The following CAMLG variants were observed in gnomAD, a reference collection of about 807,000 sequenced individuals.
The protein encoded by CAMLG is calcium modulating ligand.
Under a neutral mutation model 28.9 loss-of-function variants are expected in CAMLG, and 23 were observed. The observed-to-expected ratio is 0.80, with a 90% CI of 0.57 to 1.13. The LOEUF (loss-of-function observed/expected upper bound fraction) is 1.13. Ranked by LOEUF, CAMLG falls within the 50% of genes most tolerant of loss-of-function variation. The pLI is 0.00. For synonymous variants in CAMLG, 141 were observed against 146.5 expected (o/e 0.96, Z 0.27); for missense variants, 367 against 371.9 (o/e 0.99, Z 0.11).
intron 3 of CAMLG, among the ~76,000 whole-genome samples, chr5:134,749,566 A>G (rs1323461587): frequency 6.6e-6 from 1 of 152,186 alleles, no homozygotes; most frequent in Non-Finnish European, 1.5e-5. Flanking sequence ...ATTCCTTTGC[A>G]TAACAATTAG....
At chr5:134,747,121 C>A (rs1447003055) in intron 3 of CAMLG, among the ~76,000 whole-genome samples, 1 of 151,992 alleles carries the variant, frequency 6.6e-6, no homozygotes, top group African/African-American at 2.4e-5. Flanking sequence ...AAGAATTGTG[C>A]CGTGAACACC....
At chr5:134,739,608 T>C (rs1752959790) in intron 1 of CAMLG, among the ~76,000 whole-genome samples, 1 of 152,208 alleles carries the variant, frequency 6.6e-6, no homozygotes, top group Non-Finnish European at 1.5e-5. Context: ...GTTATCTAAG[T>C]TTCCAGTGTT....
intron 2 of CAMLG, 84 bp from the exon 3 acceptor site, chr5:134,743,903 T>C (rs1753014379): frequency 1.5e-6 from 1 of 677,662 alleles, no homozygotes; most frequent in Non-Finnish European, 2.6e-6. Flanking sequence ...CAGCTTTTGC[T>C]TGGAATTTTC....
intron 1 of CAMLG, 118 bp downstream of exon 1, chr5:134,738,910 C>A: frequency 1.0e-6 from 1 of 965,812 alleles, no homozygotes; most frequent in Non-Finnish European, 1.6e-6. Context: ...TCTTTGATTT[C>A]CTCTCTGTCC....
intron 3 of CAMLG, among the ~76,000 whole-genome samples, chr5:134,744,454 G>A (rs1482572872): frequency 6.6e-6 from 1 of 150,642 alleles, no homozygotes; most frequent in East Asian, 1.9e-4. Context: ...AACCCAGGAG[G>A]CAGAGGTTGC....
Position 134,741,061 on chromosome 5 carries a change from A to C in CAMLG, c.173-2A>C. ...ATAAGGCTTTTACATTTCTTTTCTC[A>C]GAAGAAGAAAGTCAAACAAAATCAA... is the stretch of plus-strand genomic sequence containing the variant. On this transcript the variant is annotated splice_acceptor_variant, in intron 1 of 3. Coordinates refer to ENST00000297156, the MANE Select transcript of CAMLG (RefSeq NM_001745.4). LOFTEE classifies it high-confidence loss of function. The C allele has an allele frequency of 1.2e-6, 2 of 1,600,362 alleles. No homozygotes were observed. The highest frequency in any genetic ancestry group is 2.2e-5 in the East Asian group (1 of 44,724).
intron 3 of CAMLG, 90 bp from the exon 4 acceptor site, chr5:134,750,669 G>A: frequency 1.3e-6 from 1 of 792,898 alleles, no homozygotes; most frequent in East Asian, 2.6e-5. Context: ...AATCATTTCG[G>A]TTAAAAACAG....
In CAMLG at chr5:134,750,790, C is replaced by T; in HGVS notation, c.731C>T (p.Thr244Ile). ...AAGAAGATAAAGACAACAGTACTAA[C>T]AGCTGCACTTCTATTGTCGGGAATT... ...SEKKIKTTVL[T>I]AALLLSGIPA... Residue 244 changes from threonine to isoleucine, a missense_variant, in exon 4 of 4, where the codon ACA becomes ATA. Coordinates refer to ENST00000297156, the MANE Select transcript of CAMLG (RefSeq NM_001745.4). 6.2e-7 allele frequency: 1 copy of T among 1,613,704 alleles called. No individual in the cohort carries two copies. The highest frequency in any genetic ancestry group is 8.5e-7 in the Non-Finnish European group (1 of 1,179,646).
chr5:134,745,057 T>C (rs1478035939), intron 3 of CAMLG, among the ~76,000 whole-genome samples: 1 of 152,232 alleles, frequency 6.6e-6, no homozygotes, highest in Non-Finnish European at 1.5e-5. Context: ...ATTTGAAGCA[T>C]TTGTATTTTT....
At chr5:134,744,795 G>A (rs538407278) in intron 3 of CAMLG, among the ~76,000 whole-genome samples, 52 of 152,224 alleles carry the variant, frequency 3.4e-4, no homozygotes, top group African/African-American at 1.2e-3. Flanking sequence ...TTTATCTTCA[G>A]TGTTGAGGGC....
intron 3 of CAMLG, among the ~76,000 whole-genome samples, chr5:134,745,913 C>T (rs1477013217): frequency 4.7e-5 from 7 of 150,160 alleles, no homozygotes; most frequent in Non-Finnish European, 8.9e-5. Context: ...CCGAGGCGGG[C>T]GGATCAGCTG....
In CAMLG at chr5:134,745,472, G is replaced by C. The variant is rs549804211; in HGVS notation, c.699+1420G>C. Reference sequence around the variant, plus strand: ...AAAAAGAAAGAAATTCACCTTTGAGGCTGGGCGCCGTGGCTCACGCCCTAA... The same window carrying C: ...AAAAAGAAAGAAATTCACCTTTGAGCCTGGGCGCCGTGGCTCACGCCCTAA... On this transcript the variant is annotated intron_variant, in intron 3 of 3. Transcript: ENST00000297156. 3.3e-5 allele frequency among the ~76,000 whole-genome samples: 5 copies of C among 151,656 alleles called. No individual in the cohort carries two copies. In the East Asian group the frequency reaches 9.7e-4, roughly 29 times the overall value.
In CAMLG at chr5:134,741,189, G is replaced by A. The variant is rs1279495241; in HGVS notation, c.299G>A (p.Gly100Asp). The change falls in exon 2 of 4, where the codon GGT becomes GAT. Residue 100 changes from glycine to aspartate, a missense_variant. By Grantham distance (94) the Gly-to-Asp change is moderately conservative. Transcript: ENST00000297156. ...AGTACAGGAACAACTGACCAGCAGG[G>A]TGGTGTGGCCGAGGTAAAGGGGACC... Reference protein sequence around the residue: ...SVSTGTTDQQGGVAEVKGTQL... With the variant: ...SVSTGTTDQQDGVAEVKGTQL... 4.3e-6 allele frequency: 7 copies of A among 1,614,190 alleles called. No homozygotes were observed. The highest frequency in any genetic ancestry group is 5.9e-6 in the Non-Finnish European group (7 of 1,180,030).
intron 1 of CAMLG, among the ~76,000 whole-genome samples, chr5:134,740,399 A>T (rs914905403): frequency 6.6e-6 from 1 of 152,190 alleles, no homozygotes; most frequent in Non-Finnish European, 1.5e-5. Flanking sequence ...CAAATAAGCT[A>T]AGGCAGGCAA....
rs745555514 is a variant in CAMLG at position 134,738,607 on chromosome 5, C to G, written c.-14C>G. 10 of 1,604,254 alleles carry G rather than the reference C, an allele frequency of 6.2e-6. No individual in the cohort carries two copies. The highest frequency in any genetic ancestry group is 4.0e-5 in the African/African-American group (3 of 74,504). On this transcript the variant is annotated 5_prime_UTR_variant, in exon 1 of 4. Transcript: ENST00000297156. ...CACCGCCACTGCCACCCCTCCCAGA[C>G]TGTGGACGGGAGGATGGAGTCGATG...
chr5:134,738,645 G>T lies in CAMLG; in HGVS notation c.25G>T (p.Asp9Tyr). 2 of 1,611,962 alleles carry T rather than the reference G, an allele frequency of 1.2e-6. No homozygotes were observed. Among genetic ancestry groups the T allele is most frequent in the East Asian group, 2.2e-5 (1 of 44,840 alleles). ...GATGGAGTCGATGGCCGTCGCTACC[G>T]ACGGCGGGGAGAGGCCGGGGGTCCC... MESMAVAT[D>Y]GGERPGVPAG... The change falls in exon 1 of 4, where the codon GAC (aspartate) becomes TAC (tyrosine). Residue 9 changes from aspartate (D) to tyrosine (Y), a missense_variant. Coordinates refer to ENST00000297156, the MANE Select transcript of CAMLG (RefSeq NM_001745.4).
Position 134,741,296 on chromosome 5 carries a change from A to C in CAMLG, c.406A>C (p.Arg136=). The change falls in exon 2 of 4, where the codon AGA becomes CGA. Residue 136 remains arginine, a synonymous_variant. Transcript: ENST00000297156. ...CAACCTTGAGCTCCGGCAGCGGAAC[A>C]GAGGGGACCTGACAGCGGACTCGGT... ...DVNLELRQRN[R]GDLTADSVQR... 1 of 1,614,190 alleles carries C rather than the reference A, an allele frequency of 6.2e-7. No homozygotes were observed. Among genetic ancestry groups the C allele is most frequent in the Non-Finnish European group, 8.5e-7 (1 of 1,180,008 alleles).
intron 3 of CAMLG, among the ~76,000 whole-genome samples, chr5:134,744,731 A>G (rs1293165224): frequency 1.3e-5 from 2 of 152,162 alleles, no homozygotes; most frequent in South Asian, 2.1e-4. Flanking sequence ...TTAATTAAAA[A>G]ATGGATTTGA....
chr5:134,744,527 CAAA>C (rs751658223), intron 3 of CAMLG, among the ~76,000 whole-genome samples: 2 of 60,594 alleles, frequency 3.3e-5, no homozygotes, highest in African/African-American at 5.2e-5. Flanking sequence ...ACTCTGTCTC[CAAA>C]AAAAAAAAAA....
Sources: gnomAD v4.1 joint callset for allele counts (sites outside exome capture counted in the v4.1 genomes callset) on GRCh38, gnomAD v4.1.1 for gene constraint, MANE v1.5 for transcripts, NCBI Gene and HGNC (gene_info 2026-07-23, HGNC 2026-07-21) for gene names.